Variants in EYS observed in about 807,000 individuals in gnomAD.
EYS encodes the protein EGF-like photoreceptor maintenance factor.
In EYS, 250 loss-of-function variants were observed where a neutral mutation model predicts 282.1. The observed-to-expected ratio is 0.89, with a 90% CI of 0.80 to 0.98. The LOEUF (loss-of-function observed/expected upper bound fraction) is 0.98. Ranked by LOEUF, EYS falls within the 50% of genes least tolerant of loss-of-function variation. EYS has a pLI of 0.00. For synonymous variants in EYS, 1,355 were observed against 1,282.9 expected (o/e 1.06, Z -1.20); for missense variants, 4,016 against 3,709.0 (o/e 1.08, Z -2.15).
chr6:65,069,346 C>CTCATTT (rs1203201279), intron 12 of EYS, among the ~76,000 whole-genome samples: 2 of 151,950 alleles, frequency 1.3e-5, no homozygotes, highest in Non-Finnish European at 2.9e-5. Context: ...TTAACTTATA[C>CTCATTT]TCATTTTCTC....
At chr6:64,107,426 A>G (rs1773067217) in intron 31 of EYS, among the ~76,000 whole-genome samples, 1 of 151,202 alleles carries the variant, frequency 6.6e-6, no homozygotes, top group Non-Finnish European at 1.5e-5. Flanking sequence ...AAGAACCTGG[A>G]GTCTGATGTT....
intron 14 of EYS, among the ~76,000 whole-genome samples, chr6:64,951,572 G>C (rs915284460): frequency 1.3e-5 from 2 of 151,856 alleles, no homozygotes; most frequent in Non-Finnish European, 2.9e-5. Context: ...TTATTGGATA[G>C]AGATTTAAAA....
chr6:64,645,998 A>C lies in EYS; in HGVS notation c.3444-19753T>G, dbSNP rs369070242. On this transcript the variant is annotated intron_variant, in intron 22 of 42. Coordinates refer to ENST00000503581, the MANE Select transcript of EYS (RefSeq NM_001142800.2). ...TAGAAAATGTGTTAAGATATTAGAC[A>C]GTTACAGTTAACAAGTTTGAAATAT... Among the ~76,000 whole-genome samples, 16 of 152,360 alleles carry C rather than the reference A, an allele frequency of 1.1e-4. No individual in the cohort carries two copies. The East Asian group carries it at 2.5e-3, about 24-fold the overall frequency.
At chr6:64,138,783 G>C (rs1562220545) in intron 31 of EYS, among the ~76,000 whole-genome samples, 1 of 152,204 alleles carries the variant, frequency 6.6e-6, no homozygotes, top group Non-Finnish European at 1.5e-5. Context: ...CATCAAATGA[G>C]AGGTTGACTG....
intron 36 of EYS, among the ~76,000 whole-genome samples, chr6:63,816,254 C>T (rs565720404): frequency 4.0e-4 from 61 of 152,134 alleles, no homozygotes; most frequent in African/African-American, 1.4e-3. Flanking sequence ...ATTTTGTGTA[C>T]TAATAGTGAG....
At chr6:65,147,106 G>C (rs1248457282) in intron 12 of EYS, among the ~76,000 whole-genome samples, 2 of 151,426 alleles carry the variant, frequency 1.3e-5, no homozygotes, top group East Asian at 3.9e-4. Context: ...TTATATTTTT[G>C]GTAAAAATTG....
Position 65,199,111 on chromosome 6 carries a change from GT to G in EYS, c.2023+96751del, listed in dbSNP as rs945801231. ...TAGGTTGCTTTTCTAATCTGATTTA[GT>G]TTAAAGGAGCATCTGAGATCTACCC... On this transcript the variant is annotated intron_variant, in intron 12 of 42. Transcript: ENST00000503581. Among the ~76,000 whole-genome samples the G allele has an allele frequency of 2.8e-4, 41 of 148,586 alleles. 1 individual carries two copies. The highest frequency in any genetic ancestry group is 1.0e-3 in the African/African-American group (40 of 39,976).
At chr6:63,934,564 C>T (rs1764995663) in intron 35 of EYS, among the ~76,000 whole-genome samples, 1 of 152,100 alleles carries the variant, frequency 6.6e-6, no homozygotes, top group South Asian at 2.1e-4. Context: ...GAATACTATG[C>T]AGCCATAAAA....
At chr6:63,740,367 C>A (rs1413054626) in intron 41 of EYS, among the ~76,000 whole-genome samples, 3 of 152,200 alleles carry the variant, frequency 2.0e-5, no homozygotes, top group Admixed American at 6.5e-5. Flanking sequence ...ACGTGACTTG[C>A]TCCTCCTTGC....
At chr6:65,123,475 T>G (rs1227487274) in intron 12 of EYS, among the ~76,000 whole-genome samples, 1 of 152,102 alleles carries the variant, frequency 6.6e-6, no homozygotes, top group African/African-American at 2.4e-5. Context: ...ACACTTCCCC[T>G]TCCACCAGGA....
At chr6:64,690,163 C>A (rs1010456455) in intron 22 of EYS, among the ~76,000 whole-genome samples, 1 of 151,832 alleles carries the variant, frequency 6.6e-6, no homozygotes, top group Non-Finnish European at 1.5e-5. Flanking sequence ...AAAAAGTGGG[C>A]GAAGGATATG....
At chr6:64,203,990 G>A (rs1300397785) in intron 31 of EYS, among the ~76,000 whole-genome samples, 2 of 152,118 alleles carry the variant, frequency 1.3e-5, no homozygotes, top group African/African-American at 4.8e-5. Context: ...TAAATTTTAT[G>A]CCTTCCAAGG....
chr6:64,295,069 T>G lies in EYS; in HGVS notation c.6191+11901A>C, dbSNP rs1230056681. 2.6e-5 allele frequency among the ~76,000 whole-genome samples: 4 copies of G among 151,808 alleles called. No homozygotes were observed. In the East Asian group the frequency reaches 7.9e-4, roughly 30 times the overall value. On this transcript the variant is annotated intron_variant, in intron 30 of 42. Transcript: ENST00000503581. ...GCATTCTTGGGTTATTGGGTAGACA[T>G]TTTCTCAAAAAGAAAATGGGTCTGG...
At chr6:64,286,902 C>A (rs890025100) in intron 30 of EYS, among the ~76,000 whole-genome samples, 1 of 130,316 alleles carries the variant, frequency 7.7e-6, no homozygotes, top group South Asian at 2.8e-4. Flanking sequence ...TAGCATATAC[C>A]TTTTGTTTAA....
intron 26 of EYS, among the ~76,000 whole-genome samples, chr6:64,466,175 A>G (rs1775910534): frequency 6.6e-6 from 1 of 152,132 alleles, no homozygotes. Flanking sequence ...AACAGCCATT[A>G]TGGAAAATGG....
At chr6:65,098,959 T>G (rs1774814081) in intron 12 of EYS, among the ~76,000 whole-genome samples, 1 of 150,832 alleles carries the variant, frequency 6.6e-6, no homozygotes. Context: ...TTTATTTCTT[T>G]GTATTTGCAG....
intron 31 of EYS, among the ~76,000 whole-genome samples, chr6:64,186,708 T>A (rs1253856374): frequency 2.0e-5 from 3 of 152,074 alleles, no homozygotes; most frequent in Non-Finnish European, 4.4e-5. Context: ...GTAGAGCAAT[T>A]TTTCCCTCTA....
At chr6:64,118,687 G>A in intron 31 of EYS, among the ~76,000 whole-genome samples, 1 of 151,984 alleles carries the variant, frequency 6.6e-6, no homozygotes, top group East Asian at 1.9e-4. Context: ...AGACAAATAG[G>A]ATTATATCAA....
intron 29 of EYS, among the ~76,000 whole-genome samples, chr6:64,329,544 G>C (rs913489786): frequency 4.6e-5 from 7 of 152,090 alleles, no homozygotes; most frequent in Non-Finnish European, 1.0e-4. Context: ...CAAGCTGCCA[G>C]GGGTCTTGGT....
Sources: allele counts gnomAD v4.1 joint callset (sites outside exome capture counted in the v4.1 genomes callset), GRCh38; gene constraint gnomAD v4.1.1; transcripts MANE v1.5; gene names NCBI Gene and HGNC (gene_info 2026-07-23, HGNC 2026-07-21).